HNRNPM: variants seen among roughly 807,000 people sequenced by gnomAD.
The protein encoded by HNRNPM is heterogeneous nuclear ribonucleoprotein M.
A neutral mutation model predicts 73.1 loss-of-function variants in HNRNPM; 11 were observed. The ratio of observed to expected loss-of-function variants is 0.15; its 90% CI spans 0.09 to 0.25. The LOEUF is 0.25. Among genes scored for constraint, HNRNPM ranks in the 10% least tolerant of loss-of-function variants. The pLI is 1.00. For synonymous variants in HNRNPM, 407 were observed against 355.2 expected, an observed-to-expected ratio of 1.15 and a Z score of -1.64; for missense variants, 789 against 1,067.9, an observed-to-expected ratio of 0.74 and a Z score of 3.64.
Position 8,473,683 on chromosome 19 carries a change from A to G in HNRNPM, c.1017A>G (p.Ile339Met), listed in dbSNP as rs766655475. ...TTTAAGGAATGGGAATGGAAGGCAT[A>G]GGATTTGGAATAAATAAAATGGGAG... The part of the protein sequence containing the change: ...IGPAGMGMEG[I>M]GFGINKMGGM... Residue 339 changes from isoleucine to methionine, a missense_variant, in exon 11 of 16, where the codon ATA becomes ATG. Ile to Met is a conservative substitution (Grantham distance 10). Around this residue, in one of 4 missense-constraint regions of HNRNPM, gnomAD observed 604 missense variants for 744.0 expected, o/e 0.81. Transcript: ENST00000325495. The G allele has an allele frequency of 3.2e-6, 5 of 1,576,232 alleles. No homozygotes were observed. The South Asian group carries it at 5.6e-5, about 18-fold the overall frequency.
At position 8,445,009 on chromosome 19, in the gene HNRNPM, G is replaced by T; in HGVS notation, c.11G>T (p.Gly4Val). ...CCAGACGCGGAGAAAATGGCGGCAGGGGTCGAAGCGGCGGCGGAGGTGGCG... is the reference window on the plus strand; with the variant it reads ...CCAGACGCGGAGAAAATGGCGGCAGTGGTCGAAGCGGCGGCGGAGGTGGCG... MAA[G>V]VEAAAEVAAT... The change falls in exon 1 of 16, where the codon GGG becomes GTG. Residue 4 changes from glycine (G) to valine (V), a missense_variant. By Grantham distance (109) the Gly-to-Val change is moderately radical (BLOSUM62 -3). Coordinates refer to ENST00000325495, the MANE Select transcript of HNRNPM (RefSeq NM_005968.5). 2 of 1,422,592 alleles carry T rather than the reference G, an allele frequency of 1.4e-6. No individual in the cohort carries two copies. Among genetic ancestry groups the T allele is most frequent in the East Asian group, 2.9e-5 (1 of 34,794 alleles). The allele number at this position is 1,422,592 out of a possible 1,614,324, so 88.1% of individuals were successfully genotyped here.
rs749736703 is a variant in HNRNPM, at chr19:8,463,662, C to T, written c.414C>T (p.Ser138=). 9.3e-6 allele frequency: 15 copies of T among 1,612,432 alleles called. No individual in the cohort carries two copies. The highest frequency in any genetic ancestry group is 2.2e-5 in the East Asian group (1 of 44,884). The part of the protein sequence containing the change: ...AAEVLNKHSL[S]GRPLKVKEDP... ...AAGTCCTAAACAAGCATAGTCTGAGCGGAAGACCACTGAAAGTCAAAGAAG... is the reference window on the plus strand; with the variant it reads ...AAGTCCTAAACAAGCATAGTCTGAGTGGAAGACCACTGAAAGTCAAAGAAG... The change falls in exon 5 of 16, where the codon AGC becomes AGT. Residue 138 remains serine (S), a synonymous_variant. Transcript: ENST00000325495.
chr19:8,483,134 T>C, intron 12 of HNRNPM, 24 bp from the exon 13 acceptor site: 1 of 1,572,916 alleles, frequency 6.4e-7, no homozygotes, highest in Non-Finnish European at 8.7e-7. Flanking sequence ...TTGGCTAATT[T>C]TTTTTTCTTC....
intron 7 of HNRNPM, among the ~76,000 whole-genome samples, chr19:8,466,738 A>G (rs1196834147): frequency 1.4e-5 from 2 of 144,978 alleles, no homozygotes; most frequent in Non-Finnish European, 3.0e-5. Context: ...AGGCACAAGA[A>G]TCGCTTGAAC....
chr19:8,455,505 A>G lies in HNRNPM; in HGVS notation c.214A>G (p.Arg72Gly), dbSNP rs749297113. The G allele has an allele frequency of 1.2e-6, 2 of 1,613,976 alleles. No homozygotes were observed. Among genetic ancestry groups the G allele is most frequent in the South Asian group, 1.1e-5 (1 of 91,078 alleles). Residue 72 changes from arginine to glycine, a missense_variant, in exon 2 of 16, where the codon AGA becomes GGA. Arg to Gly is a moderately radical substitution (Grantham distance 125, BLOSUM62 -2). Transcript: ENST00000325495. The part of the protein sequence containing the change: ...EPYANPTKRY[R>G]AFITNIPFDV... The stretch of plus-strand genomic sequence containing the variant: ...ATATGCCAATCCAACTAAAAGATAC[A>G]GAGCCTTCATTACAAACATACCTTT...
intron 1 of HNRNPM, chr19:8,445,341 C>T: frequency 2.6e-6 from 1 of 391,012 alleles, no homozygotes; most frequent in Non-Finnish European, 4.5e-6. Flanking sequence ...CTCAGTCCCT[C>T]CAGGCCGGGG....
At chr19:8,447,618 C>G (rs1599736787) in intron 1 of HNRNPM, among the ~76,000 whole-genome samples, 1 of 152,096 alleles carries the variant, frequency 6.6e-6, no homozygotes, top group African/African-American at 2.4e-5. Context: ...GGTGTAGTGG[C>G]TCACACCTGT....
At chr19:8,475,417 A>G (rs1181022599) in intron 12 of HNRNPM, among the ~76,000 whole-genome samples, 1 of 152,220 alleles carries the variant, frequency 6.6e-6, no homozygotes, top group Non-Finnish European at 1.5e-5. Context: ...ACTTTCTTGG[A>G]CTGAGAAGTC....
At position 8,484,377 on chromosome 19, in the gene HNRNPM, A is replaced by G. The variant is rs139547576; in HGVS notation, c.1174+1166A>G. 7.4e-3 allele frequency among the ~76,000 whole-genome samples: 1,125 copies of G among 152,110 alleles called. 10 individuals are homozygous for G. The highest frequency in any genetic ancestry group is 0.019 in the South Asian group (93 of 4,822). On this transcript the variant is annotated intron_variant, in intron 13 of 15. Transcript: ENST00000325495. ...ATTTTAGTAGAGATGGGGTTTCACC[A>G]TGTTGGCCAGGCTGGTCGCGAACTC... is the stretch of plus-strand genomic sequence containing the variant.
At chr19:8,480,345 A>C in intron 12 of HNRNPM, among the ~76,000 whole-genome samples, 1 of 145,674 alleles carries the variant, frequency 6.9e-6, no homozygotes, top group Admixed American at 6.8e-5. Flanking sequence ...CTCCATCTCA[A>C]AAAAAAAAAA....
At chr19:8,457,392 A>G (rs894964914) in intron 2 of HNRNPM, among the ~76,000 whole-genome samples, 3 of 152,272 alleles carry the variant, frequency 2.0e-5, no homozygotes, top group East Asian at 1.9e-4. Context: ...GATACTTCCA[A>G]ACTGGTTCTC....
At chr19:8,470,548 G>A (rs751698542) in intron 9 of HNRNPM, among the ~76,000 whole-genome samples, 19 of 152,018 alleles carry the variant, frequency 1.2e-4, no homozygotes, top group Non-Finnish European at 1.9e-4. Context: ...GGATGGTCTC[G>A]AACTCCTGAC....
At chr19:8,487,139 G>A (rs1176482058) in intron 15 of HNRNPM, 64 bp downstream of exon 15, 1 of 1,384,690 alleles carries the variant, frequency 7.2e-7, no homozygotes, top group South Asian at 1.2e-5. Context: ...AGCCGAGTCA[G>A]CAGCAAAACC....
At chr19:8,466,434 T>C in intron 7 of HNRNPM, 46 bp downstream of exon 7, 1 of 1,594,136 alleles carries the variant, frequency 6.3e-7, no homozygotes, top group Non-Finnish European at 8.6e-7. Context: ...TGACCTAAAT[T>C]GCTGTGTTAG....
At chr19:8,459,459 G>C (rs1417872871) in intron 2 of HNRNPM, among the ~76,000 whole-genome samples, 1 of 152,166 alleles carries the variant, frequency 6.6e-6, no homozygotes, top group Non-Finnish European at 1.5e-5. Flanking sequence ...TTATATTAAA[G>C]AGTGTGCATG....
chr19:8,469,772 G>C (rs1175464995), intron 9 of HNRNPM, among the ~76,000 whole-genome samples: 1 of 152,218 alleles, frequency 6.6e-6, no homozygotes, highest in African/African-American at 2.4e-5. Flanking sequence ...GTGCTGGGGT[G>C]ACCTCCACCA....
rs140642412 is a variant in HNRNPM, at chr19:8,453,660, C to T, written c.114-1745C>T. On this transcript the variant is annotated intron_variant, in intron 1 of 15. Coordinates refer to ENST00000325495, the MANE Select transcript of HNRNPM (RefSeq NM_005968.5). ...CGTGGTCTGGGAGTCACTGGATTCT[C>T]ACTGGCGGGACACACAGGGCTGGGG... is the stretch of plus-strand genomic sequence containing the variant. 3.0e-4 allele frequency among the ~76,000 whole-genome samples: 46 copies of T among 152,228 alleles called. No homozygotes were observed. In the East Asian group the frequency reaches 7.3e-3, roughly 24 times the overall value.
At chr19:8,478,909 G>A (rs138387544) in intron 12 of HNRNPM, among the ~76,000 whole-genome samples, 1 of 152,114 alleles carries the variant, frequency 6.6e-6, no homozygotes, top group East Asian at 1.9e-4. Flanking sequence ...TAGCAGGATG[G>A]AGTGAGTTGT....
intron 13 of HNRNPM, among the ~76,000 whole-genome samples, chr19:8,485,280 T>G (rs767078087): frequency 9.9e-5 from 15 of 152,094 alleles, no homozygotes; most frequent in Non-Finnish European, 1.6e-4. Context: ...TGGAGAAACC[T>G]CAGATGTCTC....
Sources: gnomAD v4.1 joint callset for allele counts (sites outside exome capture counted in the v4.1 genomes callset) on GRCh38, gnomAD v4.1.1 for gene constraint, gnomAD v4.1.1 regional missense constraint, MANE v1.5 for transcripts, NCBI Gene and HGNC (gene_info 2026-07-23, HGNC 2026-07-21) for gene names.